The following OSBPL8 variants were observed in gnomAD, a reference collection of about 807,000 sequenced individuals.
OSBPL8 encodes the protein oxysterol-binding protein-related protein 8.
In OSBPL8, 59 loss-of-function variants were observed where a neutral mutation model predicts 125.5. The ratio of observed to expected loss-of-function variants is 0.47; its 90% CI spans 0.38 to 0.58. The LOEUF is 0.58. Among genes scored for constraint, OSBPL8 ranks in the 20% least tolerant of loss-of-function variants. The pLI, the probability that OSBPL8 is intolerant of heterozygous loss-of-function variation, is 0.00. For missense variants in OSBPL8, 758 were observed against 1,047.8 expected (o/e 0.72, Z 3.82); for synonymous variants, 330 against 338.9 (o/e 0.97, Z 0.29).
intron 1 of OSBPL8, among the ~76,000 whole-genome samples, chr12:76,550,150 G>T (rs1192468991): frequency 1.3e-5 from 2 of 152,116 alleles, no homozygotes; most frequent in Non-Finnish European, 2.9e-5. Context: ...TACAAGAAAA[G>T]AGGGCAATTT....
chr12:76,416,266 GATA>G (rs1868652898), intron 4 of OSBPL8, among the ~76,000 whole-genome samples: 1 of 151,938 alleles, frequency 6.6e-6, no homozygotes, highest in African/African-American at 2.4e-5. Flanking sequence ...AATAAGGTCA[GATA>G]ATATGTTCTG....
intron 21 of OSBPL8, among the ~76,000 whole-genome samples, chr12:76,361,080 T>C (rs920358734): frequency 6.6e-6 from 1 of 152,236 alleles, no homozygotes; most frequent in Admixed American, 6.5e-5. Flanking sequence ...GTTTTTCTTT[T>C]CTACTGCATC....
At chr12:76,413,155 A>G (rs1184852348) in intron 4 of OSBPL8, among the ~76,000 whole-genome samples, 1 of 152,188 alleles carries the variant, frequency 6.6e-6, no homozygotes, top group Non-Finnish European at 1.5e-5. Flanking sequence ...CTTCAGAAAA[A>G]TGCCTAAAAC....
At chr12:76,506,881 T>C (rs899515481) in intron 1 of OSBPL8, among the ~76,000 whole-genome samples, 2 of 152,158 alleles carry the variant, frequency 1.3e-5, no homozygotes, top group African/African-American at 4.8e-5. Context: ...AAAACAGTAA[T>C]TAAAAGCAAA....
intron 2 of OSBPL8, among the ~76,000 whole-genome samples, chr12:76,481,078 A>T (rs998590936): frequency 3.3e-5 from 5 of 152,166 alleles, no homozygotes; most frequent in Admixed American, 1.3e-4. Context: ...GCCAAAAAAA[A>T]TGAATGCATT....
At chr12:76,426,010 G>A (rs1473034969) in intron 4 of OSBPL8, among the ~76,000 whole-genome samples, 1 of 152,186 alleles carries the variant, frequency 6.6e-6, no homozygotes. Flanking sequence ...GTTTGGGCTT[G>A]CTACTGTTAA....
rs370693676 is a variant in OSBPL8 at position 76,459,806 on chromosome 12, C to T, written c.79+53G>A. ...CCATTTGCCTTTCATAATAATCACA[C>T]ATCAAAATATTATCATGTCCCCAAA... is the stretch of plus-strand genomic sequence containing the variant. On this transcript the variant is annotated intron_variant, in intron 3 of 23. Coordinates refer to ENST00000261183, the MANE Select transcript of OSBPL8 (RefSeq NM_020841.5). The T allele has an allele frequency of 6.9e-6, 11 of 1,590,858 alleles. No homozygotes were observed. The African/African-American group carries it at 1.5e-4, about 21-fold the overall frequency.
intron 4 of OSBPL8, among the ~76,000 whole-genome samples, chr12:76,412,378 C>T (rs779298866): frequency 6.6e-6 from 1 of 152,038 alleles, no homozygotes; most frequent in African/African-American, 2.4e-5. Flanking sequence ...CGTGTCTATA[C>T]GTAACTAAAA....
intron 1 of OSBPL8, among the ~76,000 whole-genome samples, chr12:76,555,028 A>G (rs977756132): frequency 2.6e-5 from 4 of 152,238 alleles, no homozygotes; most frequent in Non-Finnish European, 4.4e-5. Context: ...AAGCTTAGAT[A>G]AGAAATAATG....
chr12:76,477,836 T>A (rs189275838), intron 2 of OSBPL8, among the ~76,000 whole-genome samples: 28 of 152,046 alleles, frequency 1.8e-4, no homozygotes, highest in Admixed American at 3.9e-4. Context: ...AACCTAATAC[T>A]GTTCTAAAAC....
chr12:76,448,522 T>G (rs1872985726), intron 4 of OSBPL8, among the ~76,000 whole-genome samples: 1 of 152,182 alleles, frequency 6.6e-6, no homozygotes, highest in Non-Finnish European at 1.5e-5. Flanking sequence ...TACCAGAGTG[T>G]GTATCATATA....
intron 2 of OSBPL8, among the ~76,000 whole-genome samples, chr12:76,472,034 C>T (rs1424986703): frequency 6.6e-6 from 1 of 152,204 alleles, no homozygotes; most frequent in East Asian, 1.9e-4. Flanking sequence ...AATGTTATCT[C>T]ATCCAGTATG....
intron 2 of OSBPL8, among the ~76,000 whole-genome samples, chr12:76,462,061 C>G (rs1213624933): frequency 2.0e-5 from 3 of 152,156 alleles, no homozygotes; most frequent in African/African-American, 7.2e-5. Context: ...CTAGATTTAT[C>G]AGTAACTTCC....
At chr12:76,541,778 C>T (rs1201722815) in intron 1 of OSBPL8, among the ~76,000 whole-genome samples, 1 of 151,936 alleles carries the variant, frequency 6.6e-6, no homozygotes, top group Non-Finnish European at 1.5e-5. Context: ...ATTGTTTGAA[C>T]CCGGGAGGTG....
rs1293178075 is a variant in OSBPL8, at chr12:76,369,489, T to C, written c.2240+148A>G. Reference sequence around the variant, plus strand: ...AACTTCTATCATAGAGTCAAGCTTATAATGAATGCAAAACCAAGTTTAAAA... The same window carrying C: ...AACTTCTATCATAGAGTCAAGCTTACAATGAATGCAAAACCAAGTTTAAAA... On this transcript the variant is annotated intron_variant, in intron 20 of 23. Coordinates refer to ENST00000261183, the MANE Select transcript of OSBPL8 (RefSeq NM_020841.5). 1.9e-5 allele frequency: 25 copies of C among 1,346,890 alleles called. No homozygotes were observed. In the East Asian group the frequency reaches 4.0e-4, roughly 22 times the overall value. The allele number at this position is 1,346,890 out of a possible 1,614,324, so 83.4% of individuals were successfully genotyped here.
intron 11 of OSBPL8, 29 bp from the exon 12 acceptor site, chr12:76,389,858 C>T (rs745836683): frequency 2.1e-6 from 3 of 1,436,590 alleles, no homozygotes; most frequent in Non-Finnish European, 2.8e-6. Flanking sequence ...ATTACCAAAA[C>T]ATTATATTTA....
intron 2 of OSBPL8, among the ~76,000 whole-genome samples, chr12:76,460,502 A>G (rs1037248753): frequency 6.6e-6 from 1 of 151,886 alleles, no homozygotes; most frequent in Non-Finnish European, 1.5e-5. Context: ...TGGCAAAAAA[A>G]AAAAAAAAAA....
At chr12:76,463,619 A>G (rs1875014966) in intron 2 of OSBPL8, among the ~76,000 whole-genome samples, 1 of 152,216 alleles carries the variant, frequency 6.6e-6, no homozygotes, top group African/African-American at 2.4e-5. Flanking sequence ...AAAAACATAT[A>G]TTATAATGGA....
chr12:76,413,937 T>C (rs1183210927), intron 4 of OSBPL8, among the ~76,000 whole-genome samples: 2 of 152,208 alleles, frequency 1.3e-5, no homozygotes, highest in Non-Finnish European at 2.9e-5. Context: ...AATTTTCATG[T>C]AGTCAAATTT....
Sources: gnomAD v4.1 joint callset for allele counts (sites outside exome capture counted in the v4.1 genomes callset) on GRCh38, gnomAD v4.1.1 for gene constraint, MANE v1.5 for transcripts, NCBI Gene and HGNC (gene_info 2026-07-23, HGNC 2026-07-21) for gene names.